The following MTHFD2L variants were observed in gnomAD, a reference collection of about 807,000 sequenced individuals.
MTHFD2L encodes bifunctional methylenetetrahydrofolate dehydrogenase/cyclohydrolase 2, mitochondrial.
Under a neutral mutation model 34.9 loss-of-function variants are expected in MTHFD2L, and 29 were observed. The observed-to-expected ratio is 0.83, with a 90% CI of 0.62 to 1.13. The LOEUF (loss-of-function observed/expected upper bound fraction) is 1.13, where lower values mean the gene tolerates loss of function less well. MTHFD2L is among the 50% of genes most tolerant of loss of function. The pLI is 0.00. For synonymous variants in MTHFD2L, 167 were observed against 155.7 expected (o/e 1.07, Z -0.54); for missense variants, 481 against 446.5 (o/e 1.08, Z -0.70).
At chr4:74,218,395 T>A (rs1017133784) in intron 5 of MTHFD2L, among the ~76,000 whole-genome samples, 1 of 152,106 alleles carries the variant, frequency 6.6e-6, no homozygotes, top group Non-Finnish European at 1.5e-5. Context: ...GTCTGGTTTT[T>A]TAGCTTACTC....
chr4:74,182,614 T>G (rs751470215), intron 3 of MTHFD2L: 6 of 152,230 alleles, frequency 3.9e-5, no homozygotes, highest in Non-Finnish European at 8.8e-5. Context: ...CTAAGTTGTT[T>G]TCATTCTGTT....
chr4:74,130,393 T>C (rs538716652), intron 1 of MTHFD2L, among the ~76,000 whole-genome samples: 9 of 152,286 alleles, frequency 5.9e-5, no homozygotes, highest in Non-Finnish European at 1.3e-4. Flanking sequence ...TCCACCATGA[T>C]CATGTCCGCT....
chr4:74,189,806 C>T (rs886399041), intron 3 of MTHFD2L, among the ~76,000 whole-genome samples: 2 of 151,760 alleles, frequency 1.3e-5, no homozygotes, highest in East Asian at 3.9e-4. Context: ...ACCATTATAT[C>T]CTCATCTGTT....
rs190300913 is a variant in MTHFD2L at position 74,198,550 on chromosome 4, C to T, written c.452-1244C>T. Among the ~76,000 whole-genome samples the T allele has an allele frequency of 2.3e-4, 35 of 152,128 alleles. No homozygotes were observed. The East Asian group carries it at 5.6e-3, about 24-fold the overall frequency. On this transcript the variant is annotated intron_variant, in intron 3 of 7. Transcript: ENST00000325278. ...AAATATCCATGTCATGAAGCTTCCG[C>T]GTGAGTGGTAGGTGATTTAAAAATG...
At chr4:74,247,106 C>A (rs1439892486) in intron 6 of MTHFD2L, among the ~76,000 whole-genome samples, 1 of 149,454 alleles carries the variant, frequency 6.7e-6, no homozygotes, top group Non-Finnish European at 1.5e-5. Flanking sequence ...TCTTCCTACC[C>A]ATGAGCATGG....
At chr4:74,234,203 T>C (rs72654804) in intron 6 of MTHFD2L, among the ~76,000 whole-genome samples, 2,323 of 152,198 alleles carry the variant, frequency 0.015, 31 homozygotes, top group Non-Finnish European at 0.026. Context: ...ATTATCACTT[T>C]GTTATATTTT....
chr4:74,141,938 A>G (rs1425115236), intron 1 of MTHFD2L, among the ~76,000 whole-genome samples: 1 of 152,250 alleles, frequency 6.6e-6, no homozygotes, highest in African/African-American at 2.4e-5. Flanking sequence ...GTTGGCTTTC[A>G]TTATGAAAAA....
chr4:74,137,053 T>C (rs545381674), intron 1 of MTHFD2L, among the ~76,000 whole-genome samples: 20 of 152,210 alleles, frequency 1.3e-4, no homozygotes, highest in Middle Eastern at 3.4e-3. Context: ...AGGACAATGA[T>C]CTGGACAAAG....
chr4:74,301,727 C>T lies in MTHFD2L; in HGVS notation c.962C>T (p.Pro321Leu). The change falls in exon 8 of 8, where the codon CCA becomes CTA. Residue 321 changes from proline to leucine, a missense_variant. Pro to Leu is a moderately conservative substitution (Grantham distance 98, BLOSUM62 -3). Transcript: ENST00000325278. Reference protein sequence around the residue: ...AVKKKAGFITPVPGGVGPMTV... With the variant: ...AVKKKAGFITLVPGGVGPMTV... ...AAAAAGAAAGCTGGCTTTATCACTC[C>T]AGTTCCAGGAGGTGTGGGACCCATG... 6.2e-7 allele frequency: 1 copy of T among 1,601,326 alleles called. No homozygotes were observed. Among genetic ancestry groups the T allele is most frequent in the East Asian group, 2.3e-5 (1 of 44,216 alleles).
chr4:74,192,698 G>A (rs919112917), intron 3 of MTHFD2L, among the ~76,000 whole-genome samples: 4 of 151,820 alleles, frequency 2.6e-5, no homozygotes, highest in East Asian at 1.9e-4. Flanking sequence ...GATTTTTTTC[G>A]TATACATATT....
chr4:74,240,475 G>A (rs553088393), intron 6 of MTHFD2L, among the ~76,000 whole-genome samples: 3 of 152,208 alleles, frequency 2.0e-5, no homozygotes, highest in African/African-American at 7.2e-5. Context: ...CATTTAATGG[G>A]TGATGGATGA....
chr4:74,120,870 A>T (rs1721743036), upstream of MTHFD2L, among the ~76,000 whole-genome samples: 1 of 152,206 alleles, frequency 6.6e-6, no homozygotes, highest in Non-Finnish European at 1.5e-5. Context: ...AGCACATTTC[A>T]GTGACACAGA....
rs1051891761 is a variant in MTHFD2L, at chr4:74,170,039, C to T, written c.144-4467C>T. On this transcript the variant is annotated intron_variant, in intron 1 of 7. Transcript: ENST00000325278. The stretch of plus-strand genomic sequence containing the variant: ...GAATCAGATAGCTTCATGGGTGAAT[C>T]CTACCAAACATTTAAGCGAGAAAAA... Among the ~76,000 whole-genome samples the T allele has an allele frequency of 2.6e-5, 4 of 152,058 alleles. No homozygotes were observed. In the South Asian group the frequency reaches 8.3e-4, roughly 31 times the overall value.
intron 1 of MTHFD2L, among the ~76,000 whole-genome samples, chr4:74,140,869 T>G (rs1723238322): frequency 1.3e-5 from 2 of 152,302 alleles, no homozygotes; most frequent in South Asian, 4.1e-4. Context: ...GCCCCCACGA[T>G]TCAATTTTCT....
intron 6 of MTHFD2L, among the ~76,000 whole-genome samples, chr4:74,270,858 C>T (rs1223383350): frequency 6.6e-6 from 1 of 151,906 alleles, no homozygotes; most frequent in Non-Finnish European, 1.5e-5. Flanking sequence ...TTAATGATTG[C>T]CATTCTAACT....
upstream of MTHFD2L, among the ~76,000 whole-genome samples, chr4:74,122,123 T>G (rs2109776808): frequency 6.6e-6 from 1 of 152,302 alleles, no homozygotes; most frequent in East Asian, 1.9e-4. Flanking sequence ...AATGTCCTAC[T>G]TCCTGGGGAG....
chr4:74,189,804 A>G (rs1047815246), intron 3 of MTHFD2L, among the ~76,000 whole-genome samples: 7 of 151,962 alleles, frequency 4.6e-5, no homozygotes, highest in Admixed American at 3.9e-4. Flanking sequence ...TTACCATTAT[A>G]TCCTCATCTG....
upstream of MTHFD2L, chr4:74,157,679 G>T (rs1171421105): frequency 2.2e-6 from 1 of 457,412 alleles, no homozygotes; most frequent in East Asian, 6.9e-5. Flanking sequence ...TCTCACAAAG[G>T]AAGTGGGAAA....
rs551056437 is a variant in MTHFD2L at position 74,138,562 on chromosome 4, A to T, written c.-297+13045A>T. On this transcript the variant is annotated intron_variant, in intron 1 of 7. Coordinates refer to the MTHFD2L transcript ENST00000433372. ...AACCTGGGCACTTAACCATGCAGGA[A>T]CAATGGCGAGCCTTTAGCCCGATCC... Among the ~76,000 whole-genome samples, 3 of 152,228 alleles carry T rather than the reference A, an allele frequency of 2.0e-5. No homozygotes were observed. In the South Asian group the frequency reaches 6.2e-4, roughly 32 times the overall value.
Sources: gnomAD v4.1 joint callset for allele counts (sites outside exome capture counted in the v4.1 genomes callset) on GRCh38, gnomAD v4.1.1 for gene constraint, MANE v1.5 for transcripts, NCBI Gene and HGNC (gene_info 2026-07-23, HGNC 2026-07-21) for gene names.